Variants in VWA8 observed in about 807,000 individuals in gnomAD.
VWA8 encodes von Willebrand factor A domain containing 8.
Under a neutral mutation model 241.5 loss-of-function variants are expected in VWA8, and 221 were observed. The observed-to-expected ratio is 0.91, with a 90% CI of 0.82 to 1.02. The LOEUF is 1.02. Ranked by LOEUF, VWA8 falls within the 50% of genes least tolerant of loss-of-function variation. VWA8 has a pLI of 0.00. For missense variants in VWA8, 2,322 were observed against 2,328.7 expected (o/e 1.00, Z 0.06); for synonymous variants, 852 against 827.1 (o/e 1.03, Z -0.52).
At chr13:41,734,418 T>C (rs982296399) in intron 21 of VWA8, among the ~76,000 whole-genome samples, 1 of 152,136 alleles carries the variant, frequency 6.6e-6, no homozygotes, top group Non-Finnish European at 1.5e-5. Context: ...AAGGTATGCA[T>C]GGGGTTGACT....
At chr13:41,764,859 G>C (rs942665050) in intron 20 of VWA8, among the ~76,000 whole-genome samples, 2 of 151,984 alleles carry the variant, frequency 1.3e-5, no homozygotes, top group Admixed American at 6.6e-5. Flanking sequence ...CTGAAGTAAA[G>C]GAATAATACG....
At chr13:41,721,122 G>A (rs2045386587) in intron 25 of VWA8, among the ~76,000 whole-genome samples, 2 of 152,142 alleles carry the variant, frequency 1.3e-5, no homozygotes, top group African/African-American at 4.8e-5. Context: ...CCCTCTAACA[G>A]CCTCCCACCA....
chr13:41,601,666 T>A (rs781781318), intron 40 of VWA8, among the ~76,000 whole-genome samples: 5 of 152,148 alleles, frequency 3.3e-5, no homozygotes, highest in African/African-American at 4.8e-5. Context: ...TATGGACTGA[T>A]GAGAAGATTC....
chr13:41,729,763 C>A, intron 22 of VWA8, 86 bp from the exon 23 acceptor site: 1 of 1,362,084 alleles, frequency 7.3e-7, no homozygotes. Flanking sequence ...GGACTTATAA[C>A]AGCTGGCTTT....
intron 2 of VWA8, chr13:41,927,109 G>C (rs1450695105): frequency 1.0e-5 from 4 of 385,596 alleles, no homozygotes; most frequent in South Asian, 8.6e-5. Context: ...CGCAGCAGCG[G>C]GTTTTTGAAC....
intron 37 of VWA8, among the ~76,000 whole-genome samples, chr13:41,626,832 G>A (rs1387631913): frequency 3.9e-5 from 6 of 152,040 alleles, no homozygotes; most frequent in Admixed American, 3.3e-4. Context: ...AAAAACCTAG[G>A]AAATACCACT....
At position 41,679,955 on chromosome 13, in the gene VWA8, C is replaced by A. The variant is rs142056281; in HGVS notation, c.4328-4659G>T. ...TCATTATGGTGCCCTCTTGATGTTTCAGCTTCAGGTATTATCTCTTGCCTT... is the reference window on the plus strand; with the variant it reads ...TCATTATGGTGCCCTCTTGATGTTTAAGCTTCAGGTATTATCTCTTGCCTT... On this transcript the variant is annotated intron_variant, in intron 35 of 44. Transcript: ENST00000379310. Among the ~76,000 whole-genome samples, 258 of 141,802 alleles carry A rather than the reference C, an allele frequency of 1.8e-3. 1 individual carries two copies. The highest frequency in any genetic ancestry group is 6.4e-3 in the African/African-American group (246 of 38,206). The allele number at this position is 141,802 out of a possible 152,430, so 93.0% of individuals were successfully genotyped here.
chr13:41,898,257 C>T (rs1353658983), intron 4 of VWA8, among the ~76,000 whole-genome samples: 1 of 152,062 alleles, frequency 6.6e-6, no homozygotes, highest in Admixed American at 6.5e-5. Context: ...CTCACAAACC[C>T]TGAGCTAGAC....
rs924161830 is a variant in VWA8 at position 41,615,005 on chromosome 13, A to G, written c.4691T>C (p.Val1564Ala). 4 of 1,613,594 alleles carry G rather than the reference A, an allele frequency of 2.5e-6. No homozygotes were observed. In the African/African-American group the frequency reaches 5.3e-5, roughly 22 times the overall value. Residue 1564 changes from valine (V) to alanine (A), a missense_variant, in exon 38 of 45, where the codon GTG becomes GCG. Coordinates refer to ENST00000379310, the MANE Select transcript of VWA8 (RefSeq NM_015058.2). Reference sequence around the variant, plus strand: ...TCCGCCAGCCCAAGTGTTGCCGCCCACGTGAGGCATGTTGTCTGGGTCCTC... The same window carrying G: ...TCCGCCAGCCCAAGTGTTGCCGCCCGCGTGAGGCATGTTGTCTGGGTCCTC... ...GKEDPDNMPH[V>A]GGNTWAGGTG...
At position 41,838,213 on chromosome 13, in the gene VWA8, G is replaced by A. The variant is rs1871831189; in HGVS notation, c.1426-4682C>T. ...AAATGATCTAAGCTAATTTTTTTGA[G>A]AATTCCCTTGAGAAATCCAGATACA... On this transcript the variant is annotated intron_variant, in intron 12 of 44. Coordinates refer to ENST00000379310, the MANE Select transcript of VWA8 (RefSeq NM_015058.2). Among the ~76,000 whole-genome samples the A allele has an allele frequency of 2.0e-5, 3 of 151,990 alleles. No individual in the cohort carries two copies. The South Asian group carries it at 6.2e-4, about 31-fold the overall frequency.
At chr13:41,606,487 G>T (rs1284929293) in intron 39 of VWA8, among the ~76,000 whole-genome samples, 3 of 152,042 alleles carry the variant, frequency 2.0e-5, no homozygotes, top group African/African-American at 7.2e-5. Flanking sequence ...TTAGGACAAG[G>T]AATAATAAGT....
chr13:41,664,660 C>T (rs1422221620), intron 37 of VWA8, among the ~76,000 whole-genome samples: 2 of 152,108 alleles, frequency 1.3e-5, no homozygotes, highest in Non-Finnish European at 2.9e-5. Context: ...CCTGGACAGA[C>T]TTTCGACTAA....
chr13:41,907,777 C>G, intron 3 of VWA8, 81 bp from the exon 4 acceptor site: 1 of 1,216,254 alleles, frequency 8.2e-7, no homozygotes, highest in South Asian at 1.3e-5. Flanking sequence ...TCTGACAATG[C>G]CATTGCCCAT....
intron 14 of VWA8, among the ~76,000 whole-genome samples, chr13:41,822,379 C>A (rs1870996892): frequency 9.2e-5 from 14 of 152,086 alleles, no homozygotes; most frequent in Admixed American, 9.2e-4. Context: ...AATTTAGAAC[C>A]CAGAGTTATA....
intron 21 of VWA8, among the ~76,000 whole-genome samples, chr13:41,748,843 T>G (rs1007040414): frequency 1.3e-5 from 2 of 152,114 alleles, no homozygotes; most frequent in African/African-American, 4.8e-5. Context: ...CCTTACACCA[T>G]ATACAAAAAT....
chr13:41,788,510 T>C (rs1869309209), intron 17 of VWA8, among the ~76,000 whole-genome samples: 1 of 152,210 alleles, frequency 6.6e-6, no homozygotes, highest in Non-Finnish European at 1.5e-5. Context: ...ATTTTGGGCC[T>C]AGGCTATGAT....
intron 9 of VWA8, among the ~76,000 whole-genome samples, chr13:41,879,914 C>G (rs1039224848): frequency 2.0e-5 from 3 of 152,158 alleles, no homozygotes; most frequent in Admixed American, 1.3e-4. Context: ...GAAATCCACA[C>G]CTTGAGCCAA....
chr13:41,760,030 T>C (rs74632740), intron 21 of VWA8, among the ~76,000 whole-genome samples: 24,056 of 151,740 alleles, frequency 0.16, 2,073 homozygotes, highest in Non-Finnish European at 0.2. Flanking sequence ...AAGATAGGTA[T>C]GGAGTAACTC....
At chr13:41,879,983 A>G (rs1163972962) in intron 9 of VWA8, among the ~76,000 whole-genome samples, 3 of 152,236 alleles carry the variant, frequency 2.0e-5, no homozygotes, top group Non-Finnish European at 2.9e-5. Context: ...TGGTGAGCCA[A>G]TAAGTCTCTG....
Sources: allele counts gnomAD v4.1 joint callset (sites outside exome capture counted in the v4.1 genomes callset), GRCh38; gene constraint gnomAD v4.1.1; transcripts MANE v1.5; gene names NCBI Gene and HGNC (gene_info 2026-07-23, HGNC 2026-07-21).